Variants in BANP observed in about 807,000 individuals in gnomAD.
BANP encodes the protein protein BANP.
Under a neutral mutation model 68.1 loss-of-function variants are expected in BANP, and 11 were observed. That is an observed-to-expected ratio of 0.16 (90% CI 0.10 to 0.27). The LOEUF is 0.27. Ranked by LOEUF, BANP falls within the 10% of genes least tolerant of loss-of-function variation. BANP has a pLI of 1.00. For missense variants in BANP, 504 were observed against 722.7 expected (o/e 0.70, Z 3.47); for synonymous variants, 329 against 303.2 (o/e 1.09, Z -0.88).
rs866805341 is a variant in BANP at position 88,076,762 on chromosome 16, G to A, written c.*101G>A. ...CTCGGCACAGGCAGCGGCTGCACGT[G>A]TTCTGCTGAAGTGCGTCTGAAGGCC... On this transcript the variant is annotated 3_prime_UTR_variant, in exon 14 of 14. Coordinates refer to ENST00000682872, the MANE Select transcript of BANP (RefSeq NM_001386991.1). The A allele has an allele frequency of 1.0e-6, 1 of 1,004,030 alleles. No homozygotes were observed. Among genetic ancestry groups the A allele is most frequent in the Non-Finnish European group, 1.4e-6 (1 of 699,018 alleles). 62.2% of individuals were successfully genotyped at this position (1,004,030 alleles called of 1,614,324 possible).
At chr16:87,992,385 C>T (rs769118021) in intron 4 of BANP, among the ~76,000 whole-genome samples, 3 of 152,052 alleles carry the variant, frequency 2.0e-5, no homozygotes, top group Non-Finnish European at 2.9e-5. Flanking sequence ...GAGGCTGCCC[C>T]TTATTGTCTA....
At chr16:88,029,717 G>C (rs928491892) in intron 8 of BANP, among the ~76,000 whole-genome samples, 1 of 152,226 alleles carries the variant, frequency 6.6e-6, no homozygotes, top group East Asian at 1.9e-4. Flanking sequence ...TTGTGTCTGT[G>C]AATCGGCTGT....
intron 4 of BANP, among the ~76,000 whole-genome samples, chr16:87,997,346 G>A (rs1415414765): frequency 1.3e-5 from 2 of 152,268 alleles, no homozygotes; most frequent in African/African-American, 4.8e-5. Flanking sequence ...GTTGAAATAG[G>A]ATCATTGCTG....
chr16:88,006,860 G>A (rs1182737085), intron 6 of BANP, among the ~76,000 whole-genome samples: 10 of 151,306 alleles, frequency 6.6e-5, no homozygotes, highest in African/African-American at 9.7e-5. Context: ...GCTGAGGCGG[G>A]AGAATTGCTT....
intron 1 of BANP, among the ~76,000 whole-genome samples, chr16:87,955,737 T>C (rs1419927345): frequency 2.0e-5 from 3 of 147,988 alleles, no homozygotes; most frequent in African/African-American, 5.0e-5. Flanking sequence ...CAGCAGATAC[T>C]GTGTGAAGCA....
At chr16:88,031,312 G>A (rs1261525194) in intron 8 of BANP, among the ~76,000 whole-genome samples, 1 of 152,218 alleles carries the variant, frequency 6.6e-6, no homozygotes, top group Admixed American at 6.5e-5. Flanking sequence ...CTGATTTAGT[G>A]TAGCTAGGCA....
chr16:88,057,261 G>A lies in BANP; in HGVS notation c.1312-8006G>A, dbSNP rs1226226957. On this transcript the variant is annotated intron_variant, in intron 11 of 13. Coordinates refer to ENST00000682872, the MANE Select transcript of BANP (RefSeq NM_001386991.1). This position sits in a 1 kb window ranked among gnomAD's most constrained non-coding sequence, Gnocchi z 4.6. ...CAGCCGCCAAGAGCTCACCCAGCGC[G>A]CCTGTTGCTTTGGGTGCCTCTGTGG... Among the ~76,000 whole-genome samples, 4 of 152,312 alleles carry A rather than the reference G, an allele frequency of 2.6e-5. No homozygotes were observed. The highest frequency in any genetic ancestry group is 3.9e-4 in the East Asian group (2 of 5,182).
intron 11 of BANP, among the ~76,000 whole-genome samples, chr16:88,056,231 T>C (rs201404945): frequency 6.6e-6 from 1 of 152,218 alleles, no homozygotes; most frequent in Non-Finnish European, 1.5e-5. Context: ...CTCCAAGGAC[T>C]CTCTGCTTCT....
At chr16:87,968,070 G>C (rs541496779) in intron 1 of BANP, among the ~76,000 whole-genome samples, 3 of 141,420 alleles carry the variant, frequency 2.1e-5, no homozygotes, top group South Asian at 2.2e-4. Context: ...GGTTCTACAG[G>C]TTTTTTTGCC....
At chr16:88,008,333 GA>G (rs1430858354) in intron 6 of BANP, among the ~76,000 whole-genome samples, 103 of 152,320 alleles carry the variant, frequency 6.8e-4, no homozygotes, top group African/African-American at 2.2e-3. Context: ...CAGGGCAATG[GA>G]GTTTTTCACA....
At position 88,057,971 on chromosome 16, in the gene BANP, A is replaced by G. The variant is rs2085580778; in HGVS notation, c.1312-7296A>G. On this transcript the variant is annotated intron_variant, in intron 11 of 13. Transcript: ENST00000682872. The surrounding 1 kb of genome is among the most constrained non-coding windows in gnomAD (Gnocchi z 4.6). ...GGCCCGTGGGCCTGATTGAAGTCAC[A>G]CTCCTGCCCCCTTAAACTATGAAAC... Among the ~76,000 whole-genome samples the G allele has an allele frequency of 6.6e-6, 1 of 151,952 alleles. No individual in the cohort carries two copies. Among genetic ancestry groups the G allele is most frequent in the Admixed American group, 6.6e-5 (1 of 15,262 alleles).
intron 11 of BANP, 105 bp from the exon 12 acceptor site, chr16:88,065,162 T>C: frequency 1.7e-6 from 1 of 597,078 alleles, no homozygotes; most frequent in Non-Finnish European, 3.0e-6. Context: ...CCCGTGGCTT[T>C]ACCGGAGGGC....
At chr16:88,073,400 A>G (rs12599755) in intron 13 of BANP, among the ~76,000 whole-genome samples, 28,930 of 151,770 alleles carry the variant, frequency 0.19, 3,462 homozygotes, top group South Asian at 0.27. Flanking sequence ...CTGCAGAGGC[A>G]CGCCCTGTAC....
intron 12 of BANP, among the ~76,000 whole-genome samples, chr16:88,066,995 C>T (rs1240656838): frequency 1.3e-5 from 2 of 152,224 alleles, no homozygotes; most frequent in Non-Finnish European, 2.9e-5. Context: ...GATGGAGGTA[C>T]CAGGCAAATT....
intron 1 of BANP, among the ~76,000 whole-genome samples, chr16:87,954,002 A>T (rs1031382693): frequency 1.8e-4 from 28 of 151,982 alleles, no homozygotes; most frequent in Admixed American, 1.6e-3. Flanking sequence ...GTGTGTGCTG[A>T]GGTGTGTGGA....
intron 12 of BANP, among the ~76,000 whole-genome samples, chr16:88,069,981 A>C (rs151116044): frequency 6.6e-6 from 1 of 152,104 alleles, no homozygotes. Flanking sequence ...CCCAGTCAGC[A>C]TGCGGACGGT....
At chr16:88,016,276 A>G (rs1263049085) in intron 6 of BANP, among the ~76,000 whole-genome samples, 8 of 152,266 alleles carry the variant, frequency 5.3e-5, no homozygotes, top group South Asian at 2.1e-4. Context: ...GCAGGTGCCA[A>G]TGCTCCAGAG....
intron 1 of BANP, chr16:87,952,137 ATCTAG>A (rs2144317548): frequency 6.6e-6 from 1 of 152,358 alleles, no homozygotes; most frequent in East Asian, 1.9e-4. Context: ...GATTTCTGTG[ATCTAG>A]TCCTTAAGGA....
At position 88,004,395 on chromosome 16, in the gene BANP, GA is replaced by G; in HGVS notation, c.467del (p.Asn156MetfsTer17). 1 of 1,536,286 alleles carries G rather than the reference GA, an allele frequency of 6.5e-7. No individual in the cohort carries two copies. Among genetic ancestry groups the G allele is most frequent in the Non-Finnish European group, 8.8e-7 (1 of 1,135,328 alleles). On this transcript the variant is annotated frameshift_variant, in exon 5 of 14. Transcript: ENST00000682872. LOFTEE classifies it high-confidence loss of function. This position sits in a 1 kb window ranked among gnomAD's most constrained non-coding sequence, Gnocchi z 7.0. ...PLSNRAPDSL[E>X]NVISNAVPGR... ...GAGCAACAGGGCACCGGATTCCCTGGAAAATGTCATTAGCAAGTCAGTAGCA... is the reference window on the plus strand; with the variant it reads ...GAGCAACAGGGCACCGGATTCCCTGGAAATGTCATTAGCAAGTCAGTAGCA...
Sources: gnomAD v4.1 joint callset for allele counts (sites outside exome capture counted in the v4.1 genomes callset) on GRCh38, gnomAD v4.1.1 for gene constraint, Gnocchi (gnomAD v3.1) non-coding constraint, MANE v1.5 for transcripts, NCBI Gene and HGNC (gene_info 2026-07-23, HGNC 2026-07-21) for gene names.